The following SLC17A5 variants were observed in gnomAD, a reference collection of about 807,000 sequenced individuals.
The protein encoded by SLC17A5 is solute carrier family 17 member 5.
SLC17A5 carries 47 observed loss-of-function variants against 59.4 expected under a neutral mutation model. The ratio of observed to expected loss-of-function variants is 0.79; its 90% CI spans 0.63 to 1.01. The LOEUF is 1.01. SLC17A5 is among the 50% of genes least tolerant of loss of function. The probability of loss-of-function intolerance (pLI) is 0.00; values close to 1 mark genes in which losing one functional copy is unlikely to be tolerated. For missense variants in SLC17A5, 522 were observed against 595.5 expected (o/e 0.88, Z 1.28); for synonymous variants, 202 against 210.7 (o/e 0.96, Z 0.36).
chr6:73,644,256 A>G, intron 2 of SLC17A5, 151 bp downstream of exon 2: 1 of 648,050 alleles, frequency 1.5e-6, no homozygotes, highest in South Asian at 1.9e-5. Flanking sequence ...GTTATTGCCC[A>G]ATCAGTTCCT....
rs374042761 is a variant in SLC17A5, at chr6:73,646,820, A to G, written c.95-2217T>C. 1.3e-5 allele frequency among the ~76,000 whole-genome samples: 2 copies of G among 152,030 alleles called. 1 individual carries two copies. ...CTTGAGTAGCTGGGACTAAAGGCAT[A>G]TGGCAGCATATCTGACTAATTTTTA... On this transcript the variant is annotated intron_variant, in intron 1 of 10. Coordinates refer to ENST00000355773, the MANE Select transcript of SLC17A5 (RefSeq NM_012434.5).
Position 73,650,055 on chromosome 6 carries a change from T to C in SLC17A5, c.94+3738A>G, listed in dbSNP as rs375539041. Among the ~76,000 whole-genome samples, 14 of 150,880 alleles carry C rather than the reference T, an allele frequency of 9.3e-5. No individual in the cohort carries two copies. The East Asian group carries it at 2.1e-3, about 23-fold the overall frequency. ...AAGAAGGGGGCAAGGGAATCGAGAG[T>C]ATTGGCAAGAAAATAAAGTGTTGGG... On this transcript the variant is annotated intron_variant, in intron 1 of 10. Coordinates refer to ENST00000355773, the MANE Select transcript of SLC17A5 (RefSeq NM_012434.5).
intron 10 of SLC17A5, among the ~76,000 whole-genome samples, chr6:73,595,929 T>C (rs566562810): frequency 0.18 from 252 of 1,426 alleles, 1 homozygote; most frequent in African/African-American, 0.36. Flanking sequence ...TATATATACA[T>C]ATACATATAT....
At chr6:73,639,559 C>A (rs995823128) in intron 3 of SLC17A5, among the ~76,000 whole-genome samples, 18 of 151,978 alleles carry the variant, frequency 1.2e-4, no homozygotes, top group African/African-American at 3.9e-4. Context: ...TTGGAAATGC[C>A]CACAGAGATT....
chr6:73,624,169 C>T (rs1161428415), intron 6 of SLC17A5, among the ~76,000 whole-genome samples: 2 of 151,920 alleles, frequency 1.3e-5, no homozygotes, highest in African/African-American at 4.8e-5. Flanking sequence ...TTTGGGAGGC[C>T]GAGGCGGGCA....
At chr6:73,603,179 T>C (rs966361201) in intron 9 of SLC17A5, among the ~76,000 whole-genome samples, 3 of 152,090 alleles carry the variant, frequency 2.0e-5, no homozygotes, top group Admixed American at 6.6e-5. Flanking sequence ...TCGCTCAGGC[T>C]GGAGTACAGT....
intron 6 of SLC17A5, among the ~76,000 whole-genome samples, chr6:73,632,571 T>G (rs912211379): frequency 6.7e-6 from 1 of 149,302 alleles, no homozygotes; most frequent in Non-Finnish European, 1.5e-5. Context: ...GCCAGCCGAG[T>G]AGCTGGGACT....
intron 1 of SLC17A5, among the ~76,000 whole-genome samples, chr6:73,648,726 T>G (rs1769698810): frequency 6.6e-6 from 1 of 152,056 alleles, no homozygotes; most frequent in African/African-American, 2.4e-5. Flanking sequence ...AAGAGGCACA[T>G]TAATCTGATG....
intron 9 of SLC17A5, among the ~76,000 whole-genome samples, chr6:73,608,526 A>T (rs1767498767): frequency 6.6e-6 from 1 of 152,056 alleles, no homozygotes; most frequent in African/African-American, 2.4e-5. Context: ...CTGGATATCA[A>T]CTCTTGCCTG....
chr6:73,614,792 G>A (rs1020228935), intron 8 of SLC17A5, among the ~76,000 whole-genome samples: 7 of 152,166 alleles, frequency 4.6e-5, no homozygotes, highest in African/African-American at 1.4e-4. Context: ...CTCCCTACCC[G>A]GTCCCACATA....
chr6:73,613,386 G>T (rs1256522477), intron 8 of SLC17A5, among the ~76,000 whole-genome samples: 1 of 148,824 alleles, frequency 6.7e-6, no homozygotes, highest in East Asian at 1.9e-4. Flanking sequence ...TTTTTTTTGA[G>T]ACAGGATCTC....
rs936906544 is a variant in SLC17A5 at position 73,635,508 on chromosome 6, T to C, written c.701-8A>G. The C allele has an allele frequency of 1.5e-6, 2 of 1,350,312 alleles. No homozygotes were observed. The highest frequency in any genetic ancestry group is 1.8e-5 in the Admixed American group (1 of 56,796). The allele number at this position is 1,350,312 out of a possible 1,614,324, so 83.6% of individuals were successfully genotyped here. ...AAAATATTCCAATAGTACCTTAAAATAGAAAAATAATAGTTAGATAAAATT... is the reference window on the plus strand; with the variant it reads ...AAAATATTCCAATAGTACCTTAAAACAGAAAAATAATAGTTAGATAAAATT... On this transcript the variant is annotated splice_region_variant and splice_polypyrimidine_tract_variant and intron_variant, in intron 5 of 10. Transcript: ENST00000355773.
intron 9 of SLC17A5, among the ~76,000 whole-genome samples, chr6:73,601,970 G>A (rs1176307843): frequency 6.6e-6 from 1 of 152,098 alleles, no homozygotes; most frequent in Non-Finnish European, 1.5e-5. Flanking sequence ...GGGCTGGGAT[G>A]ACAATGGCGG....
chr6:73,637,051 C>T (rs2150113950), intron 4 of SLC17A5, among the ~76,000 whole-genome samples: 1 of 151,102 alleles, frequency 6.6e-6, no homozygotes, highest in South Asian at 2.1e-4. Context: ...GTGCCACTGC[C>T]TTCCAGCCTG....
intron 9 of SLC17A5, among the ~76,000 whole-genome samples, chr6:73,601,154 C>A (rs1767055814): frequency 1.3e-5 from 2 of 150,188 alleles, no homozygotes; most frequent in African/African-American, 4.9e-5. Flanking sequence ...CTCTGCCCGG[C>A]CGCCCATCGT....
chr6:73,647,537 C>T (rs750832383), intron 1 of SLC17A5, among the ~76,000 whole-genome samples: 2 of 152,176 alleles, frequency 1.3e-5, no homozygotes, highest in South Asian at 2.1e-4. Context: ...GTTATTACTT[C>T]ATTCTATCCT....
At chr6:73,622,451 T>G (rs1768196412) in intron 6 of SLC17A5, among the ~76,000 whole-genome samples, 1 of 152,054 alleles carries the variant, frequency 6.6e-6, no homozygotes, top group Non-Finnish European at 1.5e-5. Flanking sequence ...ATAGGCATAC[T>G]CCACCAGGCC....
At chr6:73,610,684 T>C in intron 8 of SLC17A5, 137 bp from the exon 9 acceptor site, 1 of 870,932 alleles carries the variant, frequency 1.1e-6, no homozygotes, top group Non-Finnish European at 1.7e-6. Context: ...ACTAACAAAT[T>C]TCATGAGAAA....
intron 2 of SLC17A5, among the ~76,000 whole-genome samples, chr6:73,642,285 C>G (rs567543100): frequency 2.0e-5 from 3 of 152,140 alleles, no homozygotes; most frequent in Admixed American, 6.5e-5. Context: ...GCCGCCCCCC[C>G]GGCCCTGCCT....
Sources: gnomAD v4.1 joint callset for allele counts (sites outside exome capture counted in the v4.1 genomes callset) on GRCh38, gnomAD v4.1.1 for gene constraint, MANE v1.5 for transcripts, NCBI Gene and HGNC (gene_info 2026-07-23, HGNC 2026-07-21) for gene names.